C7orf33: variants seen among roughly 807,000 people sequenced by gnomAD.
C7orf33 encodes the protein uncharacterized protein C7orf33.
In C7orf33, 15 loss-of-function variants were observed where a neutral mutation model predicts 13.4. The ratio of observed to expected loss-of-function variants is 1.12; its 90% CI spans 0.75 to 1.72. The LOEUF (loss-of-function observed/expected upper bound fraction) is 1.72, where lower values mean the gene tolerates loss of function less well. Ranked by LOEUF, C7orf33 falls within the 40% of genes most tolerant of loss-of-function variation. The probability of loss-of-function intolerance (pLI) is 0.00; values close to 1 mark genes in which losing one functional copy is unlikely to be tolerated. For synonymous variants in C7orf33, 73 were observed against 83.2 expected (o/e 0.88, Z 0.67); for missense variants, 187 against 220.3 (o/e 0.85, Z 0.96).
Position 148,602,351 on chromosome 7 carries a change from C to A in C7orf33, c.204+11222C>A, listed in dbSNP as rs73480334. The stretch of plus-strand genomic sequence containing the variant: ...TGGCTCAGACCTGTAAACCCAGCCA[C>A]TTCGGGAGGCCAACGCAGGTGGATC... On this transcript the variant is annotated intron_variant, in intron 1 of 2. Coordinates refer to ENST00000307003, the MANE Select transcript of C7orf33 (RefSeq NM_145304.4). 8.8e-3 allele frequency among the ~76,000 whole-genome samples: 1,335 copies of A among 152,172 alleles called. 17 individuals carry two copies. The highest frequency in any genetic ancestry group is 0.031 in the African/African-American group (1,274 of 41,502).
In C7orf33 at chr7:148,615,712, G is replaced by A. The variant is rs540129795; in HGVS notation, c.*311G>A. On this transcript the variant is annotated 3_prime_UTR_variant, in exon 3 of 3. Coordinates refer to ENST00000307003, the MANE Select transcript of C7orf33 (RefSeq NM_145304.4). ...AAGATCCCCAGAGGACCTGGATAGA[G>A]ATGTTTCCCTGACCATTGTCTGCTG... The A allele has an allele frequency of 7.2e-6, 2 of 277,804 alleles. No homozygotes were observed. The highest frequency in any genetic ancestry group is 7.4e-5 in the East Asian group (1 of 13,478). The allele number at this position is 277,804 out of a possible 1,614,324, so 17.2% of individuals were successfully genotyped here.
chr7:148,611,859 C>A (rs1404285292), intron 1 of C7orf33, among the ~76,000 whole-genome samples: 2 of 152,246 alleles, frequency 1.3e-5, no homozygotes, highest in Non-Finnish European at 2.9e-5. Context: ...GGCATCTGCA[C>A]CTGCCAGTCT....
At chr7:148,595,797 G>A (rs1018213232) in intron 1 of C7orf33, among the ~76,000 whole-genome samples, 25 of 146,580 alleles carry the variant, frequency 1.7e-4, no homozygotes, top group Admixed American at 3.5e-4. Flanking sequence ...TGCCTGGCCT[G>A]CTTGCTTCTT....
chr7:148,613,671 G>C (rs1796571381), intron 1 of C7orf33, among the ~76,000 whole-genome samples: 1 of 152,156 alleles, frequency 6.6e-6, no homozygotes, highest in Non-Finnish European at 1.5e-5. Context: ...GGAGAAATGG[G>C]GAGTGACCGC....
Position 148,613,313 on chromosome 7 carries a change from T to C in C7orf33, c.205-729T>C, listed in dbSNP as rs1306876304. Among the ~76,000 whole-genome samples the C allele has an allele frequency of 2.6e-5, 4 of 152,246 alleles. No homozygotes were observed. In the East Asian group the frequency reaches 5.8e-4, roughly 22 times the overall value. ...GACCCAGCAATTCTACTTCTAGGTA[T>C]ATACTCAAGAAAGTGAAAATATGTG... On this transcript the variant is annotated intron_variant, in intron 1 of 2. Transcript: ENST00000307003.
At chr7:148,611,227 C>T (rs112890875) in intron 1 of C7orf33, among the ~76,000 whole-genome samples, 3,662 of 152,236 alleles carry the variant, frequency 0.024, 125 homozygotes, top group East Asian at 0.11. Flanking sequence ...GCTCCACCCT[C>T]AAGCCTGTGC....
chr7:148,593,022 G>A (rs1164453232), intron 1 of C7orf33, among the ~76,000 whole-genome samples: 1 of 151,858 alleles, frequency 6.6e-6, no homozygotes, highest in African/African-American at 2.4e-5. Context: ...TGTATTTTTA[G>A]TAGATACAGG....
At chr7:148,609,226 A>G (rs913708663) in intron 1 of C7orf33, among the ~76,000 whole-genome samples, 4 of 152,116 alleles carry the variant, frequency 2.6e-5, no homozygotes, top group African/African-American at 9.7e-5. Flanking sequence ...GTAAAATGAG[A>G]TATCATGTTT....
At chr7:148,600,626 T>A (rs1386056829) in intron 1 of C7orf33, among the ~76,000 whole-genome samples, 2 of 152,162 alleles carry the variant, frequency 1.3e-5, no homozygotes, top group African/African-American at 4.8e-5. Flanking sequence ...AGATAAAAAT[T>A]TGTTATGCAC....
intron 1 of C7orf33, among the ~76,000 whole-genome samples, chr7:148,598,755 TATATATATAGAGAGAGAGAGAG>T (rs1264939129): frequency 2.9e-3 from 151 of 52,424 alleles, no homozygotes; most frequent in African/African-American, 0.012. Context: ...TATATATATA[TATATATATAGAGAGAGAGAGAG>T]AGAGAGAGAG....
At chr7:148,608,370 C>A (rs546395848) in intron 1 of C7orf33, among the ~76,000 whole-genome samples, 1 of 152,082 alleles carries the variant, frequency 6.6e-6, no homozygotes, top group South Asian at 2.1e-4. Context: ...GCGGAGGTTG[C>A]AGTGAGCCGA....
chr7:148,604,675 C>T (rs1796454670), intron 1 of C7orf33, among the ~76,000 whole-genome samples: 1 of 152,102 alleles, frequency 6.6e-6, no homozygotes, highest in South Asian at 2.1e-4. Flanking sequence ...ATTCATGTAA[C>T]CAAACACTGC....
chr7:148,598,792 A>C (rs1796380323), intron 1 of C7orf33, among the ~76,000 whole-genome samples: 2 of 141,940 alleles, frequency 1.4e-5, no homozygotes, highest in Non-Finnish European at 3.1e-5. Context: ...AGAGAGAGAG[A>C]GAGAGAGAGA....
chr7:148,610,729 A>C (rs1248232765), intron 1 of C7orf33, among the ~76,000 whole-genome samples: 1 of 152,128 alleles, frequency 6.6e-6, no homozygotes, highest in South Asian at 2.1e-4. Flanking sequence ...CAAATTTTAC[A>C]TAGTATGGGG....
At chr7:148,594,683 G>A (rs908542410) in intron 1 of C7orf33, among the ~76,000 whole-genome samples, 1 of 152,086 alleles carries the variant, frequency 6.6e-6, no homozygotes, top group African/African-American at 2.4e-5. Context: ...CAACCAAATT[G>A]TTTAGGGAAA....
chr7:148,607,182 G>C (rs1455925370), intron 1 of C7orf33, among the ~76,000 whole-genome samples: 2 of 152,150 alleles, frequency 1.3e-5, no homozygotes, highest in East Asian at 3.9e-4. Flanking sequence ...ACTTCTCTGC[G>C]GGGAAGCAAG....
intron 1 of C7orf33, among the ~76,000 whole-genome samples, chr7:148,604,060 A>C (rs921558871): frequency 6.6e-6 from 1 of 152,218 alleles, no homozygotes; most frequent in Non-Finnish European, 1.5e-5. Flanking sequence ...CTACTCAGCC[A>C]TAAAAAGGAA....
chr7:148,614,495 T>C (rs61657888), intron 2 of C7orf33, among the ~76,000 whole-genome samples, 199 bp downstream of exon 2: 3,930 of 152,272 alleles, frequency 0.026, 184 homozygotes, highest in African/African-American at 0.088. Context: ...TAAAAGAAAG[T>C]GCCCCTTACC....
chr7:148,603,575 A>G (rs555957449), intron 1 of C7orf33, among the ~76,000 whole-genome samples: 1 of 152,312 alleles, frequency 6.6e-6, no homozygotes, highest in East Asian at 1.9e-4. Flanking sequence ...GCATTAGGAC[A>G]GCACTGCTTC....
Sources: allele counts gnomAD v4.1 joint callset (sites outside exome capture counted in the v4.1 genomes callset), GRCh38; gene constraint gnomAD v4.1.1; transcripts MANE v1.5; gene names NCBI Gene and HGNC (gene_info 2026-07-23, HGNC 2026-07-21).